CLSTN2: variants seen among roughly 807,000 people sequenced by gnomAD.
CLSTN2 encodes calsyntenin 2, also known as calsyntenin-2.
In CLSTN2, 48 loss-of-function variants were observed where a neutral mutation model predicts 101.2. That is an observed-to-expected ratio of 0.47 (90% CI 0.38 to 0.60). The LOEUF (loss-of-function observed/expected upper bound fraction) is 0.60. Among genes scored for constraint, CLSTN2 ranks in the 20% least tolerant of loss-of-function variants. The probability of loss-of-function intolerance (pLI) is 0.00; values close to 1 mark genes in which losing one functional copy is unlikely to be tolerated. For synonymous variants in CLSTN2, 481 were observed against 463.6 expected, an observed-to-expected ratio of 1.04 and a Z score of -0.48; for missense variants, 1,160 against 1,238.2, an observed-to-expected ratio of 0.94 and a Z score of 0.95.
chr3:140,410,062 T>A (rs1325933489), intron 4 of CLSTN2, among the ~76,000 whole-genome samples: 1 of 151,992 alleles, frequency 6.6e-6, no homozygotes, highest in Non-Finnish European at 1.5e-5. Flanking sequence ...TGCAACACTA[T>A]CAAGAGAGCT....
chr3:139,961,123 C>T (rs1296060447), intron 1 of CLSTN2, among the ~76,000 whole-genome samples: 1 of 152,098 alleles, frequency 6.6e-6, no homozygotes, highest in Admixed American at 6.5e-5. Flanking sequence ...GTACTTTTGT[C>T]TATTGTTCAC....
At chr3:140,229,325 C>A (rs1242685622) in intron 2 of CLSTN2, among the ~76,000 whole-genome samples, 2 of 152,108 alleles carry the variant, frequency 1.3e-5, no homozygotes, top group African/African-American at 4.8e-5. Flanking sequence ...CTGTTTATAC[C>A]AATGCTTCAT....
chr3:140,063,338 G>A (rs1443192928), intron 1 of CLSTN2, among the ~76,000 whole-genome samples: 3 of 152,152 alleles, frequency 2.0e-5, no homozygotes, highest in African/African-American at 7.2e-5. Flanking sequence ...CTTTTTTCTA[G>A]CTCTGGCACT....
In CLSTN2 at chr3:139,935,399, G is replaced by T; in HGVS notation, c.25G>T (p.Val9Leu). Residue 9 changes from valine (V) to leucine (L), a missense_variant, in exon 1 of 17, where the codon GTG becomes TTG. By Grantham distance (32) the Val-to-Leu change is conservative. Coordinates refer to ENST00000458420, the MANE Select transcript of CLSTN2 (RefSeq NM_022131.3). This position sits in a 1 kb window ranked among gnomAD's most constrained non-coding sequence, Gnocchi z 5.5. ...GATGCTGCCTGGGCGGCTGTGCTGG[G>T]TGCCGCTCCTGCTGGCGCTGGGCGT... MLPGRLCW[V>L]PLLLALGVGS... 8.1e-7 allele frequency: 1 copy of T among 1,230,588 alleles called. No individual in the cohort carries two copies. Among genetic ancestry groups the T allele is most frequent in the Non-Finnish European group, 1.0e-6 (1 of 986,920 alleles). The allele number at this position is 1,230,588 out of a possible 1,614,324, so 76.2% of individuals were successfully genotyped here.
intron 1 of CLSTN2, among the ~76,000 whole-genome samples, chr3:140,164,080 A>T (rs2010095218): frequency 6.6e-6 from 1 of 152,200 alleles, no homozygotes; most frequent in Non-Finnish European, 1.5e-5. Context: ...AATGTTCAGT[A>T]GGTAAAATAT....
chr3:140,172,935 G>A (rs1184253525), intron 1 of CLSTN2, among the ~76,000 whole-genome samples: 2 of 152,100 alleles, frequency 1.3e-5, no homozygotes, highest in Non-Finnish European at 2.9e-5. Context: ...TGAGATTTGG[G>A]TGGGGACATA....
intron 7 of CLSTN2, among the ~76,000 whole-genome samples, chr3:140,466,208 C>T (rs1933697460): frequency 6.6e-6 from 1 of 152,122 alleles, no homozygotes; most frequent in Non-Finnish European, 1.5e-5. Context: ...TAGAAGAAAC[C>T]AGTATGTTAA....
At chr3:140,065,199 A>G (rs2008278625) in intron 1 of CLSTN2, among the ~76,000 whole-genome samples, 1 of 152,238 alleles carries the variant, frequency 6.6e-6, no homozygotes, top group Non-Finnish European at 1.5e-5. Flanking sequence ...TCTTCACCTG[A>G]CTTCACCTGC....
Position 140,088,318 on chromosome 3 carries a change from T to C in CLSTN2, c.110-87633T>C, listed in dbSNP as rs577058369. Among the ~76,000 whole-genome samples, 219 of 152,300 alleles carry C rather than the reference T, an allele frequency of 1.4e-3. 2 individuals are homozygous for C. Among genetic ancestry groups the C allele is most frequent in the African/African-American group, 3.5e-3 (147 of 41,566 alleles). Reference sequence around the variant, plus strand: ...ATTTGTTCTGATAATGGCCAGACAATGAGTTCCAGACAGTTTGTAATCCAG... The same window carrying C: ...ATTTGTTCTGATAATGGCCAGACAACGAGTTCCAGACAGTTTGTAATCCAG... On this transcript the variant is annotated intron_variant, in intron 1 of 16. Coordinates refer to ENST00000458420, the MANE Select transcript of CLSTN2 (RefSeq NM_022131.3).
At chr3:140,391,182 T>C (rs2088109861) in intron 2 of CLSTN2, among the ~76,000 whole-genome samples, 1 of 152,162 alleles carries the variant, frequency 6.6e-6, no homozygotes, top group Non-Finnish European at 1.5e-5. Context: ...GTTTACCTGC[T>C]AGAAAGACAA....
intron 2 of CLSTN2, among the ~76,000 whole-genome samples, chr3:140,396,458 A>G (rs145837197): frequency 1.4e-3 from 213 of 152,274 alleles, no homozygotes; most frequent in African/African-American, 5.0e-3. Context: ...CTTTTCTTCA[A>G]TATAATAACA....
chr3:139,942,428 C>G (rs1207319127), intron 1 of CLSTN2, among the ~76,000 whole-genome samples: 1 of 152,128 alleles, frequency 6.6e-6, no homozygotes, highest in African/African-American at 2.4e-5. Context: ...ACCGACAGTT[C>G]TCCTGATTCG....
chr3:140,282,442 CT>C (rs1324789598), intron 2 of CLSTN2, among the ~76,000 whole-genome samples: 1 of 152,298 alleles, frequency 6.6e-6, no homozygotes, highest in Non-Finnish European at 1.5e-5. Flanking sequence ...CCACCTTTCC[CT>C]TCAGTTTACT....
chr3:140,424,487 C>T (rs913448287), intron 5 of CLSTN2, among the ~76,000 whole-genome samples: 7 of 152,212 alleles, frequency 4.6e-5, no homozygotes, highest in African/African-American at 1.7e-4. Flanking sequence ...TCTCTTATAT[C>T]CCTGGTCAGG....
At chr3:140,135,993 T>G (rs889228386) in intron 1 of CLSTN2, among the ~76,000 whole-genome samples, 6 of 152,194 alleles carry the variant, frequency 3.9e-5, no homozygotes, top group African/African-American at 1.4e-4. Context: ...CTTAAGAAGA[T>G]TTGAAGATTT....
intron 1 of CLSTN2, among the ~76,000 whole-genome samples, chr3:140,013,866 TC>T (rs1435885996): frequency 6.6e-6 from 1 of 151,816 alleles, no homozygotes; most frequent in African/African-American, 2.4e-5. Context: ...GTTTAAGCCT[TC>T]TTTTAACTGA....
At chr3:140,023,051 G>A (rs998721200) in intron 1 of CLSTN2, among the ~76,000 whole-genome samples, 3 of 152,168 alleles carry the variant, frequency 2.0e-5, no homozygotes, top group African/African-American at 7.2e-5. Flanking sequence ...GTGTGTTTTG[G>A]GAGCCCCTTA....
At chr3:140,419,081 G>C (rs2088464348) in intron 4 of CLSTN2, among the ~76,000 whole-genome samples, 1 of 151,748 alleles carries the variant, frequency 6.6e-6, no homozygotes, top group South Asian at 2.1e-4. Context: ...AATTTTCCAA[G>C]CTTTCTTGTT....
intron 8 of CLSTN2, among the ~76,000 whole-genome samples, chr3:140,484,767 G>C (rs909576313): frequency 6.6e-6 from 1 of 152,158 alleles, no homozygotes. Context: ...ACTGAGGCTT[G>C]TGCATTCATC....
Sources: allele counts gnomAD v4.1 joint callset (sites outside exome capture counted in the v4.1 genomes callset), GRCh38; gene constraint gnomAD v4.1.1; non-coding constraint Gnocchi (gnomAD v3.1); transcripts MANE v1.5; gene names NCBI Gene and HGNC (gene_info 2026-07-23, HGNC 2026-07-21).